The following PPP2R3A variants were observed in gnomAD, a reference collection of about 807,000 sequenced individuals.
PPP2R3A encodes the protein serine/threonine-protein phosphatase 2A regulatory subunit B'' subunit alpha.
In PPP2R3A, 80 loss-of-function variants were observed where a neutral mutation model predicts 106.9. That is an observed-to-expected ratio of 0.75 (90% CI 0.62 to 0.90). The LOEUF is 0.90. Ranked by LOEUF, PPP2R3A falls within the 40% of genes least tolerant of loss-of-function variation. The pLI is 0.00. For synonymous variants in PPP2R3A, 483 were observed against 468.3 expected (o/e 1.03, Z -0.41); for missense variants, 1,386 against 1,350.4 (o/e 1.03, Z -0.41).
chr3:135,985,620 G>A (rs769876337), intron 1 of PPP2R3A, among the ~76,000 whole-genome samples: 4 of 152,084 alleles, frequency 2.6e-5, no homozygotes, highest in African/African-American at 9.7e-5. Flanking sequence ...GCATACAGAC[G>A]GATTGTCTTA....
chr3:136,041,480 C>G (rs1380080797), intron 4 of PPP2R3A, among the ~76,000 whole-genome samples: 1 of 151,888 alleles, frequency 6.6e-6, no homozygotes, highest in Non-Finnish European at 1.5e-5. Context: ...AACTCCTGGC[C>G]TTAAGCAATC....
Position 136,049,298 on chromosome 3 carries a change from C to A in PPP2R3A, c.2406C>A (p.Ile802=). ...NNHHDDASKF[I]CLLAKPNCSS... The stretch of plus-strand genomic sequence containing the variant: ...ATCATGATGATGCCTCTAAATTCAT[C>A]TGTCTTCTAGCAAAGCCCAACTGCA... The change falls in exon 5 of 14, where the codon ATC becomes ATA. Residue 802 remains isoleucine, a synonymous_variant. Transcript: ENST00000264977. 1 of 1,613,790 alleles carries A rather than the reference C, an allele frequency of 6.2e-7. No individual in the cohort carries two copies. The highest frequency in any genetic ancestry group is 8.5e-7 in the Non-Finnish European group (1 of 1,179,832).
intron 5 of PPP2R3A, among the ~76,000 whole-genome samples, chr3:136,063,782 G>A (rs887409882): frequency 1.3e-5 from 2 of 150,076 alleles, no homozygotes; most frequent in Admixed American, 6.6e-5. Flanking sequence ...TGCTGGAGAG[G>A]ATGTGGAGAA....
intron 7 of PPP2R3A, among the ~76,000 whole-genome samples, chr3:136,078,664 T>C (rs919887166): frequency 1.4e-4 from 21 of 152,196 alleles, no homozygotes; most frequent in African/African-American, 4.8e-4. Flanking sequence ...CCTGAAGGCA[T>C]GCACTCTGGA....
intron 1 of PPP2R3A, among the ~76,000 whole-genome samples, chr3:135,989,279 C>T (rs1426032703): frequency 2.6e-5 from 4 of 152,072 alleles, no homozygotes; most frequent in Non-Finnish European, 5.9e-5. Context: ...CCTAGCATCT[C>T]GTGAGAAAGG....
chr3:136,065,503 A>G (rs1559899038), intron 5 of PPP2R3A, among the ~76,000 whole-genome samples: 1 of 152,190 alleles, frequency 6.6e-6, no homozygotes. Flanking sequence ...ACATACTGGT[A>G]TAGCAAAGCC....
At chr3:136,094,901 C>A (rs942145448) in intron 10 of PPP2R3A, among the ~76,000 whole-genome samples, 1 of 152,134 alleles carries the variant, frequency 6.6e-6, no homozygotes, top group Non-Finnish European at 1.5e-5. Flanking sequence ...CAAACACATA[C>A]CAGAGAATAA....
intron 5 of PPP2R3A, among the ~76,000 whole-genome samples, chr3:136,064,282 G>C (rs1371955515): frequency 2.7e-5 from 3 of 112,678 alleles, no homozygotes; most frequent in Admixed American, 2.2e-4. Context: ...TGGGGGGAGG[G>C]GGGAGGGATA....
chr3:136,043,603 ATTC>A (rs1384626827), intron 4 of PPP2R3A, among the ~76,000 whole-genome samples: 1 of 152,136 alleles, frequency 6.6e-6, no homozygotes, highest in Non-Finnish European at 1.5e-5. Context: ...TCTGACATAT[ATTC>A]TTCTTATAGT....
intron 6 of PPP2R3A, among the ~76,000 whole-genome samples, chr3:136,076,217 A>G (rs1292379610): frequency 1.3e-5 from 2 of 152,248 alleles, no homozygotes; most frequent in African/African-American, 4.8e-5. Context: ...GTATAAATGC[A>G]TTTCTGTCTA....
At chr3:135,979,512 T>C (rs1183542454) in intron 1 of PPP2R3A, among the ~76,000 whole-genome samples, 3 of 151,898 alleles carry the variant, frequency 2.0e-5, no homozygotes, top group African/African-American at 7.3e-5. Flanking sequence ...AGACATACCG[T>C]CATCAGAGTG....
chr3:136,134,506 ATTGAAAT>A (rs1938532605), intron 13 of PPP2R3A, among the ~76,000 whole-genome samples: 1 of 152,228 alleles, frequency 6.6e-6, no homozygotes, highest in African/African-American at 2.4e-5. Context: ...ACATGCAGCT[ATTGAAAT>A]GTACTTGAAA....
intron 4 of PPP2R3A, among the ~76,000 whole-genome samples, chr3:136,048,037 A>C (rs1487274831): frequency 6.6e-6 from 1 of 152,214 alleles, no homozygotes; most frequent in Non-Finnish European, 1.5e-5. Flanking sequence ...TTCATACTCC[A>C]GACCTCTACA....
chr3:135,976,470 C>G (rs996513112), intron 1 of PPP2R3A, among the ~76,000 whole-genome samples: 1 of 152,182 alleles, frequency 6.6e-6, no homozygotes, highest in Non-Finnish European at 1.5e-5. Context: ...GGAAATTTAA[C>G]TTGTATTTTG....
chr3:136,051,289 T>G (rs1935676674), intron 5 of PPP2R3A, among the ~76,000 whole-genome samples: 1 of 152,152 alleles, frequency 6.6e-6, no homozygotes, highest in Admixed American at 6.5e-5. Flanking sequence ...TGGAAATAGT[T>G]GAGGTTTTTT....
At chr3:136,004,168 C>G (rs909724830) in intron 2 of PPP2R3A, among the ~76,000 whole-genome samples, 1 of 152,212 alleles carries the variant, frequency 6.6e-6, no homozygotes, top group Non-Finnish European at 1.5e-5. Flanking sequence ...GAAGTATTTT[C>G]AAAAGTTTTT....
intron 6 of PPP2R3A, among the ~76,000 whole-genome samples, chr3:136,073,424 T>A (rs945364805): frequency 6.6e-6 from 1 of 152,258 alleles, no homozygotes; most frequent in Non-Finnish European, 1.5e-5. Context: ...ATCTCTGCTG[T>A]AATATTTTCA....
chr3:135,983,631 T>G (rs1346948357), intron 1 of PPP2R3A, among the ~76,000 whole-genome samples: 3 of 152,262 alleles, frequency 2.0e-5, no homozygotes, highest in Non-Finnish European at 4.4e-5. Context: ...ATTTGTGTTC[T>G]TCCACATTTA....
At chr3:136,016,619 T>C (rs376595706) in intron 2 of PPP2R3A, among the ~76,000 whole-genome samples, 5 of 152,160 alleles carry the variant, frequency 3.3e-5, no homozygotes, top group Admixed American at 6.6e-5. Context: ...TTATCTGATA[T>C]AAGAATAGCT....
Sources: allele counts gnomAD v4.1 joint callset (sites outside exome capture counted in the v4.1 genomes callset), GRCh38; gene constraint gnomAD v4.1.1; transcripts MANE v1.5; gene names NCBI Gene and HGNC (gene_info 2026-07-23, HGNC 2026-07-21).